The following KIF21A variants were observed in gnomAD, a reference collection of about 807,000 sequenced individuals.
KIF21A encodes kinesin-like protein KIF21A.
KIF21A carries 114 observed loss-of-function variants against 202.9 expected under a neutral mutation model. The observed-to-expected ratio is 0.56, with a 90% CI of 0.48 to 0.66. The LOEUF is 0.66. Ranked by LOEUF, KIF21A falls within the 30% of genes least tolerant of loss-of-function variation. The pLI is 0.00. For synonymous variants in KIF21A, 667 were observed against 670.8 expected (o/e 0.99, Z 0.09); for missense variants, 1,677 against 1,994.9 (o/e 0.84, Z 3.04).
chr12:39,303,120 C>T lies in KIF21A; in HGVS notation c.4576G>A (p.Glu1526Lys). 1.2e-6 allele frequency: 2 copies of T among 1,613,998 alleles called. No individual in the cohort carries two copies. Among genetic ancestry groups the T allele is most frequent in the Non-Finnish European group, 1.7e-6 (2 of 1,179,928 alleles). ...GGACTCACAGTCCCAAGAGCTCCTT[C>T]TGTAACATCAAACATCTAAAAAGGT... ...DHYIKMFDVT[E>K]GALGTVSPTH... The change falls in exon 36 of 38, where the codon GAA becomes AAA. Residue 1526 changes from glutamate to lysine, a missense_variant. Around this residue, in one of 3 missense-constraint regions of KIF21A, gnomAD observed 705 missense variants for 791.9 expected, o/e 0.89. Coordinates refer to ENST00000361418, the MANE Select transcript of KIF21A (RefSeq NM_001173464.2).
intron 1 of KIF21A, among the ~76,000 whole-genome samples, chr12:39,423,678 G>A (rs1482543498): frequency 4.0e-5 from 6 of 151,810 alleles, no homozygotes; most frequent in South Asian, 4.2e-4. Context: ...GAGAAACCCC[G>A]TCTCTACTAA....
At chr12:39,340,626 G>C (rs1198047548) in intron 15 of KIF21A, among the ~76,000 whole-genome samples, 1 of 151,916 alleles carries the variant, frequency 6.6e-6, no homozygotes, top group African/African-American at 2.4e-5. Context: ...TTTGTATAAA[G>C]TAAGTAAACA....
In KIF21A at chr12:39,299,708, C is replaced by T. The variant is rs150984069; in HGVS notation, c.4931+1772G>A. ...AAAGACATGGAATCAACCTAAATGC[C>T]CATCAATGACAGATTGGATAAAGAA... On this transcript the variant is annotated intron_variant, in intron 37 of 37. Coordinates refer to ENST00000361418, the MANE Select transcript of KIF21A (RefSeq NM_001173464.2). Among the ~76,000 whole-genome samples the T allele has an allele frequency of 9.7e-3, 1,476 of 152,202 alleles. 16 individuals carry two copies. The highest frequency in any genetic ancestry group is 0.033 in the African/African-American group (1,376 of 41,530).
At chr12:39,343,735 G>A (rs1247612666) in intron 12 of KIF21A, among the ~76,000 whole-genome samples, 1 of 152,074 alleles carries the variant, frequency 6.6e-6, no homozygotes, top group East Asian at 1.9e-4. Context: ...TATTTATTTA[G>A]TGTCTGTATT....
rs1945848109 is a variant in KIF21A, at chr12:39,325,881, T to A, written c.3414A>T (p.Ser1138=). ...SPGSEGSTLS[S]DLMKLCGEVK... is the part of the protein sequence containing the mutation. ...CTTCACCACAAAGCTTCATGAGATC[T>A]GAAGACAGCGTGCTATGTGCAAATA... Residue 1138 remains serine (S), a synonymous_variant, in exon 26 of 38, where the codon TCA becomes TCT. Coordinates refer to ENST00000361418, the MANE Select transcript of KIF21A (RefSeq NM_001173464.2). 6.2e-7 allele frequency: 1 copy of A among 1,611,742 alleles called. No homozygotes were observed. Among genetic ancestry groups the A allele is most frequent in the African/African-American group, 1.3e-5 (1 of 74,862 alleles).
chr12:39,296,069 C>T lies in KIF21A; in HGVS notation c.4932-1552G>A, dbSNP rs549654346. Among the ~76,000 whole-genome samples the T allele has an allele frequency of 2.1e-4, 26 of 122,692 alleles. 1 individual carries two copies. The highest frequency in any genetic ancestry group is 7.5e-4 in the African/African-American group (23 of 30,734). The allele number at this position is 122,692 out of a possible 152,430, so 80.5% of individuals were successfully genotyped here. A position where few individuals can be genotyped will look rare whatever the true frequency, so the allele number is the denominator to read the frequency against. ...AAAAGCATTCTAAGTGCTTGGGATA[C>T]GCTTTTTTTTTTTTTTTTAAACAGA... On this transcript the variant is annotated intron_variant, in intron 37 of 37. Coordinates refer to ENST00000361418, the MANE Select transcript of KIF21A (RefSeq NM_001173464.2).
At position 39,309,776 on chromosome 12, in the gene KIF21A, A is replaced by G. The variant is rs758217109; in HGVS notation, c.4097-10T>C. On this transcript the variant is annotated splice_polypyrimidine_tract_variant and intron_variant, in intron 32 of 37. Transcript: ENST00000361418. ...ACTTTACAAGTACGATCTAAAACAA[A>G]CACATAAAAAAAAGAAAACACCATT... 6.2e-7 allele frequency: 1 copy of G among 1,610,378 alleles called. No homozygotes were observed.
chr12:39,317,050 T>C (rs1263878347), intron 29 of KIF21A, among the ~76,000 whole-genome samples: 1 of 152,146 alleles, frequency 6.6e-6, no homozygotes, highest in East Asian at 1.9e-4. Flanking sequence ...ACAGAAATAA[T>C]TTGACAATGT....
chr12:39,325,928 A>G (rs377569106), intron 25 of KIF21A, 35 bp from the exon 26 acceptor site: 9 of 1,542,424 alleles, frequency 5.8e-6, no homozygotes, highest in Non-Finnish European at 7.2e-6. Flanking sequence ...ACAAGATTAA[A>G]TAGAAAATTA....
At chr12:39,409,917 C>T (rs1008499339) in intron 1 of KIF21A, among the ~76,000 whole-genome samples, 3 of 151,684 alleles carry the variant, frequency 2.0e-5, no homozygotes, top group South Asian at 2.1e-4. Flanking sequence ...CTGCAACCTT[C>T]GCCTTCCAGG....
chr12:39,404,478 C>T (rs935241020), intron 1 of KIF21A, among the ~76,000 whole-genome samples: 4 of 152,118 alleles, frequency 2.6e-5, no homozygotes, highest in Admixed American at 6.5e-5. Context: ...CATTTCACTA[C>T]TGTAAGTAGT....
chr12:39,441,660 T>TAAAAAAAAAAAAAAAAA (rs56245570), intron 1 of KIF21A, among the ~76,000 whole-genome samples: 521 of 37,698 alleles, frequency 0.014, 120 homozygotes, highest in African/African-American at 0.031. Flanking sequence ...CCCTGGGTGG[T>TAAAAAAAAAAAAAAAAA]AAAAAAAAAA....
intron 11 of KIF21A, among the ~76,000 whole-genome samples, chr12:39,348,065 A>G (rs1948054813): frequency 1.3e-5 from 2 of 152,088 alleles, no homozygotes; most frequent in African/African-American, 2.4e-5. Flanking sequence ...CAAGAAAGCT[A>G]TATTAAAATA....
rs77103409 is a variant in KIF21A, at chr12:39,367,299, G to A, written c.601-135C>T. The A allele has an allele frequency of 1.9e-4, 169 of 892,544 alleles. 2 individuals are homozygous for A. The East Asian group carries it at 3.0e-3, about 16-fold the overall frequency. 55.3% of individuals were successfully genotyped at this position (892,544 alleles called of 1,614,324 possible). On this transcript the variant is annotated intron_variant, in intron 4 of 37. Transcript: ENST00000361418. Reference sequence around the variant, plus strand: ...TGTGGAATTTCACATTATTAGTTCAGTTACAGGCACTTTTTGAGATGGACT... The same window carrying A: ...TGTGGAATTTCACATTATTAGTTCAATTACAGGCACTTTTTGAGATGGACT...
At chr12:39,388,239 G>A (rs1951090479) in intron 1 of KIF21A, among the ~76,000 whole-genome samples, 1 of 152,128 alleles carries the variant, frequency 6.6e-6, no homozygotes, top group Non-Finnish European at 1.5e-5. Context: ...AGAACTGATT[G>A]TTAAAAAGAG....
chr12:39,436,712 T>C (rs1465136580), intron 1 of KIF21A, among the ~76,000 whole-genome samples: 1 of 151,246 alleles, frequency 6.6e-6, no homozygotes, highest in Non-Finnish European at 1.5e-5. Flanking sequence ...AATAATTGTA[T>C]GGTATCATGA....
At chr12:39,391,747 T>C (rs1455207585) in intron 1 of KIF21A, among the ~76,000 whole-genome samples, 3 of 151,934 alleles carry the variant, frequency 2.0e-5, no homozygotes, top group Non-Finnish European at 4.4e-5. Flanking sequence ...GTTGTTGTTG[T>C]TGTTGTTGTT....
intron 1 of KIF21A, among the ~76,000 whole-genome samples, chr12:39,414,370 T>A (rs1366615209): frequency 6.6e-6 from 1 of 152,244 alleles, no homozygotes; most frequent in Non-Finnish European, 1.5e-5. Flanking sequence ...AATACTTTAT[T>A]ATCAAAAGAT....
At chr12:39,383,263 T>C (rs575485198) in intron 1 of KIF21A, among the ~76,000 whole-genome samples, 1 of 152,386 alleles carries the variant, frequency 6.6e-6, no homozygotes, top group African/African-American at 2.4e-5. Context: ...ACTACATTTG[T>C]ACATTCTGAA....
Sources: allele counts gnomAD v4.1 joint callset (sites outside exome capture counted in the v4.1 genomes callset), GRCh38; gene constraint gnomAD v4.1.1; regional missense constraint gnomAD v4.1.1; transcripts MANE v1.5; gene names NCBI Gene and HGNC (gene_info 2026-07-23, HGNC 2026-07-21).